ZC3H12C: variants seen among roughly 807,000 people sequenced by gnomAD.
The protein encoded by ZC3H12C is probable ribonuclease ZC3H12C.
ZC3H12C carries 20 observed loss-of-function variants against 76.3 expected under a neutral mutation model. The observed-to-expected ratio is 0.26, with a 90% CI of 0.18 to 0.38. The LOEUF (loss-of-function observed/expected upper bound fraction) is 0.38, where lower values mean the gene tolerates loss of function less well. ZC3H12C is among the 10% of genes least tolerant of loss of function. The pLI is 1.00. For missense variants in ZC3H12C, 874 were observed against 1,086.5 expected, an observed-to-expected ratio of 0.80 and a Z score of 2.75; for synonymous variants, 352 against 399.6, an observed-to-expected ratio of 0.88 and a Z score of 1.42.
intron 1 of ZC3H12C, among the ~76,000 whole-genome samples, chr11:110,119,538 T>C (rs1012262195): frequency 1.3e-5 from 2 of 152,230 alleles, no homozygotes. Flanking sequence ...TGGAGGCTCC[T>C]GACCACCTTG....
rs1256899304 is a variant in ZC3H12C, at chr11:110,164,406, C to T, written c.1321C>T (p.Arg441Trp). Reference protein sequence around the residue: ...YHPERGSQPQRSVADELRAMS... With the variant: ...YHPERGSQPQWSVADELRAMS... ...TCCCGAAAGGGGCAGTCAGCCACAG[C>T]GGTCAGTGGCTGATGAACTCCGTGC... Residue 441 changes from arginine (R) to tryptophan (W), a missense_variant, in exon 6 of 6, where the codon CGG becomes TGG. Arg to Trp is a moderately radical substitution (Grantham distance 101). Around this residue, in one of 3 missense-constraint regions of ZC3H12C, gnomAD observed 269 missense variants for 424.9 expected, o/e 0.63. Coordinates refer to ENST00000278590, the MANE Select transcript of ZC3H12C (RefSeq NM_033390.2). This position sits in a 1 kb window ranked among gnomAD's most constrained non-coding sequence, Gnocchi z 5.7. The T allele has an allele frequency of 1.2e-6, 2 of 1,613,876 alleles. No individual in the cohort carries two copies. The highest frequency in any genetic ancestry group is 1.1e-5 in the South Asian group (1 of 91,066).
At chr11:110,142,693 T>G (rs1404667194) in intron 2 of ZC3H12C, among the ~76,000 whole-genome samples, 1 of 152,220 alleles carries the variant, frequency 6.6e-6, no homozygotes, top group Non-Finnish European at 1.5e-5. Flanking sequence ...ATTTTGGTGT[T>G]AAATATTTTT....
At chr11:110,135,347 G>A (rs748568135) in intron 1 of ZC3H12C, among the ~76,000 whole-genome samples, 3 of 151,862 alleles carry the variant, frequency 2.0e-5, no homozygotes, top group Non-Finnish European at 4.4e-5. Context: ...AAAATTAGCC[G>A]AGCATGGTGG....
chr11:110,134,738 G>A (rs683483), intron 1 of ZC3H12C, among the ~76,000 whole-genome samples: 65,903 of 151,872 alleles, frequency 0.43, 14,619 homozygotes, highest in East Asian at 0.58. Context: ...GGGAATTGAT[G>A]TTTCTTTAAA....
chr11:110,137,274 G>A lies in ZC3H12C; in HGVS notation c.633G>A (p.Thr211=), dbSNP rs373888883. The A allele has an allele frequency of 2.3e-5, 37 of 1,613,778 alleles. No individual in the cohort carries two copies. Among genetic ancestry groups the A allele is most frequent in the Non-Finnish European group, 2.8e-5 (33 of 1,179,888 alleles). The change falls in exon 2 of 6, where the codon ACG becomes ACA. Residue 211 remains threonine, a synonymous_variant. Transcript: ENST00000278590. The part of the protein sequence containing the change: ...KLGNKSEADQ[T]VSTINTITRE... Reference sequence around the variant, plus strand: ...GAAATAAAAGTGAGGCTGATCAAACGGTTAGTACAATTAACACTATAACAC... The same window carrying A: ...GAAATAAAAGTGAGGCTGATCAAACAGTTAGTACAATTAACACTATAACAC...
intron 1 of ZC3H12C, among the ~76,000 whole-genome samples, chr11:110,134,338 C>A (rs946481632): frequency 6.6e-6 from 1 of 152,066 alleles, no homozygotes; most frequent in African/African-American, 2.4e-5. Flanking sequence ...TGCTAGCATT[C>A]ATGATGGCAT....
At chr11:110,101,698 C>A (rs1401635959) in intron 1 of ZC3H12C, among the ~76,000 whole-genome samples, 1 of 152,056 alleles carries the variant, frequency 6.6e-6, no homozygotes, top group Non-Finnish European at 1.5e-5. Context: ...CAGGCCCGCG[C>A]CACCACGTCC....
chr11:110,126,218 T>TCTTC (rs796195334), intron 1 of ZC3H12C, among the ~76,000 whole-genome samples: 3 of 5,794 alleles, frequency 5.2e-4, no homozygotes, highest in Non-Finnish European at 1.1e-3. Flanking sequence ...GTTTTCTTCT[T>TCTTC]TTTTTTTTTT....
chr11:110,145,305 T>G lies in ZC3H12C; in HGVS notation c.774-7614T>G, dbSNP rs147425493. Among the ~76,000 whole-genome samples, 5 of 152,328 alleles carry G rather than the reference T, an allele frequency of 3.3e-5. 1 individual carries two copies. The highest frequency in any genetic ancestry group is 1.2e-4 in the African/African-American group (5 of 41,564). ...ATATTAGTCTTGAGTAAAGATAATC[T>G]TATTAGAGCTATGAGACAAAGTGAA... On this transcript the variant is annotated intron_variant, in intron 2 of 5. Coordinates refer to ENST00000278590, the MANE Select transcript of ZC3H12C (RefSeq NM_033390.2).
chr11:110,115,823 TG>T (rs1861518711), intron 1 of ZC3H12C, among the ~76,000 whole-genome samples: 1 of 149,620 alleles, frequency 6.7e-6, no homozygotes, highest in African/African-American at 2.5e-5. Context: ...TGCAATAGCC[TG>T]GTCTTGGCTC....
At chr11:110,107,165 A>C (rs908737154) in intron 1 of ZC3H12C, among the ~76,000 whole-genome samples, 2 of 152,240 alleles carry the variant, frequency 1.3e-5, no homozygotes, top group Non-Finnish European at 2.9e-5. Flanking sequence ...ATATATTTTC[A>C]GTATTTAAGA....
intron 1 of ZC3H12C, among the ~76,000 whole-genome samples, chr11:110,129,432 T>G (rs1861819521): frequency 6.6e-6 from 1 of 152,190 alleles, no homozygotes; most frequent in East Asian, 1.9e-4. Context: ...CATTTGCATT[T>G]GAGTAGGCAC....
At chr11:110,128,735 T>C (rs892630438) in intron 1 of ZC3H12C, among the ~76,000 whole-genome samples, 1 of 152,108 alleles carries the variant, frequency 6.6e-6, no homozygotes, top group Non-Finnish European at 1.5e-5. Flanking sequence ...TGTGGATATA[T>C]GTTACGTTTT....
chr11:110,099,361 C>T (rs932961343), intron 1 of ZC3H12C, among the ~76,000 whole-genome samples: 3 of 152,008 alleles, frequency 2.0e-5, no homozygotes, highest in Admixed American at 6.6e-5. Flanking sequence ...TTTCATCCCA[C>T]GTTTGAGCCA....
At chr11:110,146,352 G>C (rs1862170738) in intron 2 of ZC3H12C, among the ~76,000 whole-genome samples, 1 of 152,170 alleles carries the variant, frequency 6.6e-6, no homozygotes, top group African/African-American at 2.4e-5. Context: ...AGAATTCATG[G>C]CTCTAGTCTC....
chr11:110,103,710 A>C (rs1861263384), intron 1 of ZC3H12C, among the ~76,000 whole-genome samples: 1 of 149,692 alleles, frequency 6.7e-6, no homozygotes, highest in African/African-American at 2.5e-5. Context: ...GGTTCATGCC[A>C]CTCTCCTGAC....
chr11:110,163,262 C>G lies in ZC3H12C; in HGVS notation c.1149-11C>G, dbSNP rs1328491261. On this transcript the variant is annotated splice_polypyrimidine_tract_variant and intron_variant, in intron 4 of 5. Transcript: ENST00000278590. The stretch of plus-strand genomic sequence containing the variant: ...TACTTAGGTATCATTTTTTTATTAT[C>G]TCCATGACAGGTTCATGCCCCCTGA... 2 of 1,601,934 alleles carry G rather than the reference C, an allele frequency of 1.2e-6. No individual in the cohort carries two copies. The highest frequency in any genetic ancestry group is 2.2e-5 in the East Asian group (1 of 44,712).
At chr11:110,127,429 T>A (rs1861769117) in intron 1 of ZC3H12C, among the ~76,000 whole-genome samples, 1 of 152,198 alleles carries the variant, frequency 6.6e-6, no homozygotes, top group Non-Finnish European at 1.5e-5. Context: ...ACTCTATTCT[T>A]TTACACTATG....
At chr11:110,136,203 G>T (rs1303767791) in intron 1 of ZC3H12C, 1 of 152,750 alleles carries the variant, frequency 6.5e-6, no homozygotes, top group Non-Finnish European at 1.5e-5. Flanking sequence ...CTTTTTAAAA[G>T]AATATTTATA....
Sources: allele counts gnomAD v4.1 joint callset (sites outside exome capture counted in the v4.1 genomes callset), GRCh38; gene constraint gnomAD v4.1.1; regional missense constraint gnomAD v4.1.1; non-coding constraint Gnocchi (gnomAD v3.1); transcripts MANE v1.5; gene names NCBI Gene and HGNC (gene_info 2026-07-23, HGNC 2026-07-21).